The following CLTCL1 variants were observed in gnomAD, a reference collection of about 807,000 sequenced individuals.
CLTCL1 encodes clathrin heavy chain 2.
A neutral mutation model predicts 190.0 loss-of-function variants in CLTCL1; 159 were observed. That is an observed-to-expected ratio of 0.84 (90% CI 0.74 to 0.95). CLTCL1 has a LOEUF of 0.95. Among genes scored for constraint, CLTCL1 ranks in the 40% least tolerant of loss-of-function variants. The probability of loss-of-function intolerance (pLI) is 0.00; values close to 1 mark genes in which losing one functional copy is unlikely to be tolerated. For missense variants in CLTCL1, 1,878 were observed against 2,033.4 expected, an observed-to-expected ratio of 0.92 and a Z score of 1.47; for synonymous variants, 752 against 769.6, an observed-to-expected ratio of 0.98 and a Z score of 0.38.
intron 3 of CLTCL1, among the ~76,000 whole-genome samples, chr22:19,250,546 T>A (rs1321045490): frequency 1.0e-5 from 1 of 96,226 alleles, no homozygotes; most frequent in Non-Finnish European, 2.2e-5. Flanking sequence ...CACATTCTAT[T>A]TTTTTTAACT....
intron 29 of CLTCL1, among the ~76,000 whole-genome samples, chr22:19,186,494 C>T (rs2084319007): frequency 6.6e-6 from 1 of 152,160 alleles, no homozygotes; most frequent in Admixed American, 6.5e-5. Flanking sequence ...TTTCTTTTTC[C>T]TCTCAAGTGA....
In CLTCL1 at chr22:19,291,625, G is replaced by A. The variant is rs1555993889; in HGVS notation, c.17C>T (p.Pro6Leu). 7 of 1,405,822 alleles carry A rather than the reference G, an allele frequency of 5.0e-6. No homozygotes were observed. Among genetic ancestry groups the A allele is most frequent in the African/African-American group, 1.5e-5 (1 of 67,088 alleles). 87.1% of individuals were successfully genotyped at this position (1,405,822 alleles called of 1,614,324 possible). A position where few individuals can be genotyped will look rare whatever the true frequency, so the allele number is the denominator to read the frequency against. ...CTGGAAGTGCTCCTGAAAGCGAACAGGGAGGATCTGCGCCATGGCTGGTGC... is the reference window on the plus strand; with the variant it reads ...CTGGAAGTGCTCCTGAAAGCGAACAAGGAGGATCTGCGCCATGGCTGGTGC... The part of the protein sequence containing the change: MAQIL[P>L]VRFQEHFQLQ... The change falls in exon 1 of 33, where the codon CCT (proline) becomes CTT (leucine). Residue 6 changes from proline (P) to leucine (L), a missense_variant. Physicochemically the swap from Pro to Leu is moderately conservative, Grantham distance 98 (BLOSUM62 -3). Transcript: ENST00000427926.
chr22:19,206,076 C>T (rs1416493334), intron 22 of CLTCL1, among the ~76,000 whole-genome samples: 2 of 152,074 alleles, frequency 1.3e-5, no homozygotes, highest in African/African-American at 4.8e-5. Context: ...ACAGGATGTG[C>T]CACAATGCCT....
At chr22:19,219,824 C>A (rs1323930388) in intron 18 of CLTCL1, 61 bp downstream of exon 18, 2 of 1,602,716 alleles carry the variant, frequency 1.2e-6, no homozygotes, top group East Asian at 2.2e-5. Context: ...GTCACTTGAG[C>A]CACAATGATG....
intron 14 of CLTCL1, 52 bp downstream of exon 14, chr22:19,223,839 C>CATCAGGG: frequency 1.0e-5 from 16 of 1,606,106 alleles, no homozygotes; most frequent in Non-Finnish European, 1.4e-5. Context: ...TGGTCTGCCC[C>CATCAGGG]ACCTGCCATC....
rs2088137536 is a variant in CLTCL1 at position 19,291,713 on chromosome 22, C to A, written c.-72G>T. The A allele has an allele frequency of 3.9e-6, 5 of 1,286,422 alleles. No homozygotes were observed. Among genetic ancestry groups the A allele is most frequent in the Non-Finnish European group, 5.0e-6 (5 of 1,008,982 alleles). 79.7% of individuals were successfully genotyped at this position (1,286,422 alleles called of 1,614,324 possible). A position where few individuals can be genotyped will look rare whatever the true frequency, so the allele number is the denominator to read the frequency against. ...ACGCCGACCCCTCGCGCGGGCTGAC[C>A]GGTGGCGACGGCGCAGGCGCAGTGC... On this transcript the variant is annotated 5_prime_UTR_variant, in exon 1 of 33. Coordinates refer to ENST00000427926, the MANE Select transcript of CLTCL1 (RefSeq NM_007098.4).
At chr22:19,210,270 C>T (rs1249862574) in intron 20 of CLTCL1, 56 bp downstream of exon 20, 2 of 1,550,598 alleles carry the variant, frequency 1.3e-6, no homozygotes, top group South Asian at 1.2e-5. Context: ...TTGCAGGGCG[C>T]ACTCATGATG....
chr22:19,202,392 A>ACCCCTCCTTCCGCC lies in CLTCL1; in HGVS notation c.3601-900_3601-899insGGCGGAAGGAGGGG, dbSNP rs1555940233. Among the ~76,000 whole-genome samples the ACCCCTCCTTCCGCC allele has an allele frequency of 3.2e-4, 39 of 122,168 alleles. 1 individual carries two copies. The highest frequency in any genetic ancestry group is 5.7e-4 in the South Asian group (2 of 3,518). The allele number at this position is 122,168 out of a possible 152,430, so 80.1% of individuals were successfully genotyped here. ...CGCCATCCACAGCACCTCCCGCACC[A>ACCCCTCCTTCCGCC]ACCCTCCTTCCGCCATCCACGGCAC... On this transcript the variant is annotated intron_variant, in intron 22 of 32. Transcript: ENST00000427926.
intron 1 of CLTCL1, among the ~76,000 whole-genome samples, chr22:19,278,599 A>C (rs562809841): frequency 1.3e-5 from 2 of 152,246 alleles, no homozygotes; most frequent in East Asian, 3.9e-4. Flanking sequence ...AACCAAAGAA[A>C]ACCTCCCAGT....
At chr22:19,289,959 G>A (rs2088049865) in intron 1 of CLTCL1, among the ~76,000 whole-genome samples, 1 of 152,206 alleles carries the variant, frequency 6.6e-6, no homozygotes, top group Admixed American at 6.5e-5. Context: ...GGCAGTGTGT[G>A]CTGACTCAGT....
chr22:19,223,808 G>T, intron 14 of CLTCL1, 83 bp downstream of exon 14: 1 of 1,538,650 alleles, frequency 6.5e-7, no homozygotes, highest in Non-Finnish European at 8.9e-7. Context: ...CCAGCTTCCT[G>T]CCCCTGGGAC....
At chr22:19,256,979 T>C (rs1448908110) in intron 2 of CLTCL1, among the ~76,000 whole-genome samples, 1 of 152,154 alleles carries the variant, frequency 6.6e-6, no homozygotes, top group African/African-American at 2.4e-5. Context: ...ATAAGACACA[T>C]AGATCAATGA....
intron 9 of CLTCL1, 55 bp from the exon 10 acceptor site, chr22:19,232,653 A>C: frequency 6.4e-7 from 1 of 1,553,680 alleles, no homozygotes. Flanking sequence ...TGGGCATTAG[A>C]AAAGGAAGTT....
chr22:19,187,511 A>G (rs2146216614), intron 29 of CLTCL1, 47 bp downstream of exon 29: 1 of 1,580,730 alleles, frequency 6.3e-7, no homozygotes, highest in Non-Finnish European at 8.6e-7. Flanking sequence ...CCATCAGGAA[A>G]CACACCAAGG....
intron 29 of CLTCL1, chr22:19,184,182 C>T (rs941507900): frequency 3.6e-6 from 1 of 275,232 alleles, no homozygotes; most frequent in Non-Finnish European, 7.2e-6. Flanking sequence ...TATTTTCTAG[C>T]TCCACAGCAG....
Position 19,199,809 on chromosome 22 carries a change from G to A in CLTCL1, c.3798C>T (p.Phe1266=), listed in dbSNP as rs1555938029. The change falls in exon 24 of 33, where the codon TTC becomes TTT. Residue 1266 remains phenylalanine, a synonymous_variant. Coordinates refer to ENST00000427926, the MANE Select transcript of CLTCL1 (RefSeq NM_007098.4). The part of the protein sequence containing the change: ...VCFACMDGQE[F]RFAQLCGLHI... ...GAAGACCACACAGCTGTGCGAAGCG[G>A]AACTCTTGTCCATCCATGCAGGCAA... is the stretch of plus-strand genomic sequence containing the variant. 3.1e-6 allele frequency: 5 copies of A among 1,597,516 alleles called. No homozygotes were observed. The highest frequency in any genetic ancestry group is 2.7e-5 in the African/African-American group (2 of 74,626).
Position 19,254,178 on chromosome 22 carries a change from C to A in CLTCL1, c.300G>T (p.Lys100Asn), listed in dbSNP as rs782721961. ...IFNIEMKSKM[K>N]AHTMAEEVIF... ...TCACTTCTTCTGCCATAGTATGAGC[C>A]TTCATTTTACTCTTCATCTCAATAT... Residue 100 changes from lysine to asparagine, a missense_variant, in exon 3 of 33, where the codon AAG (lysine) becomes AAT (asparagine). Physicochemically the swap from Lys to Asn is moderately conservative, Grantham distance 94. Transcript: ENST00000427926. The A allele has an allele frequency of 1.2e-6, 2 of 1,613,780 alleles. No individual in the cohort carries two copies. The highest frequency in any genetic ancestry group is 3.3e-5 in the Admixed American group (2 of 59,996).
In CLTCL1 at chr22:19,262,390, TG is replaced by T. The variant is rs2086977841; in HGVS notation, c.251-8164del. ...GCTCATGCCTGTAGTCCCAGCACTT[TG>T]GGAGGCTGAGGCAGGTGGATCACGA... On this transcript the variant is annotated intron_variant, in intron 2 of 32. Transcript: ENST00000427926. 2.0e-5 allele frequency among the ~76,000 whole-genome samples: 3 copies of T among 150,712 alleles called. No homozygotes were observed. The South Asian group carries it at 6.3e-4, about 32-fold the overall frequency.
chr22:19,220,352 G>A (rs2085528658), intron 17 of CLTCL1, among the ~76,000 whole-genome samples: 1 of 152,196 alleles, frequency 6.6e-6, no homozygotes, highest in Admixed American at 6.5e-5. Context: ...TGTGGTGCGT[G>A]ACAGGAACTA....
Sources: allele counts gnomAD v4.1 joint callset (sites outside exome capture counted in the v4.1 genomes callset), GRCh38; gene constraint gnomAD v4.1.1; transcripts MANE v1.5; gene names NCBI Gene and HGNC (gene_info 2026-07-23, HGNC 2026-07-21).